The following HADHA variants were observed in gnomAD, a reference collection of about 807,000 sequenced individuals.
The protein encoded by HADHA is hydroxyacyl-CoA dehydrogenase trifunctional multienzyme complex subunit alpha.
A neutral mutation model predicts 91.3 loss-of-function variants in HADHA; 59 were observed. The ratio of observed to expected loss-of-function variants is 0.65; its 90% CI spans 0.52 to 0.80. The LOEUF is 0.80. HADHA is among the 30% of genes least tolerant of loss of function. HADHA has a pLI of 0.00. For synonymous variants in HADHA, 320 were observed against 338.9 expected, an observed-to-expected ratio of 0.94 and a Z score of 0.61; for missense variants, 800 against 927.6, an observed-to-expected ratio of 0.86 and a Z score of 1.79.
At chr2:26,199,498 G>A (rs1204723249) in intron 13 of HADHA, 1 of 152,236 alleles carries the variant, frequency 6.6e-6, no homozygotes, top group Non-Finnish European at 1.5e-5. Context: ...CCTTTCTGAA[G>A]AGCAAACTAA....
chr2:26,234,722 C>T (rs142983003), intron 4 of HADHA, among the ~76,000 whole-genome samples: 3,153 of 149,698 alleles, frequency 0.021, 115 homozygotes, highest in African/African-American at 0.073. Context: ...GCCGAGATCG[C>T]GCCACTGCAC....
chr2:26,206,936 G>T (rs1427685899), intron 11 of HADHA, among the ~76,000 whole-genome samples: 1 of 151,962 alleles, frequency 6.6e-6, no homozygotes, highest in Non-Finnish European at 1.5e-5. Context: ...GGTGGCACAT[G>T]CCTATAATCG....
intron 1 of HADHA, among the ~76,000 whole-genome samples, chr2:26,241,605 C>T (rs1670891759): frequency 6.6e-6 from 1 of 151,656 alleles, no homozygotes. Context: ...GAGCCAAGAG[C>T]GCACCATTGC....
chr2:26,209,984 GC>G (rs1670061515), intron 10 of HADHA, 95 bp from the exon 11 acceptor site: 1 of 784,334 alleles, frequency 1.3e-6, no homozygotes, highest in Non-Finnish European at 2.3e-6. Flanking sequence ...CAGAGGTAAT[GC>G]ATGTGAAGCC....
chr2:26,203,019 T>C (rs1423029110), intron 12 of HADHA, among the ~76,000 whole-genome samples: 1 of 152,204 alleles, frequency 6.6e-6, no homozygotes, highest in Non-Finnish European at 1.5e-5. Flanking sequence ...GGAAACTATT[T>C]TAGAGCAACA....
At chr2:26,197,569 G>A (rs2147755968) in intron 14 of HADHA, 122 bp downstream of exon 14, 3 of 723,940 alleles carry the variant, frequency 4.1e-6, no homozygotes, top group East Asian at 2.5e-5. Flanking sequence ...TGTGTCCAGT[G>A]TTTAGGAACC....
chr2:26,200,933 C>G (rs753385387), intron 13 of HADHA, among the ~76,000 whole-genome samples: 2 of 152,130 alleles, frequency 1.3e-5, no homozygotes, highest in Non-Finnish European at 2.9e-5. Context: ...GGGGTTTCAT[C>G]ATATCGGCCA....
intron 7 of HADHA, among the ~76,000 whole-genome samples, chr2:26,217,041 C>G (rs1334843517): frequency 6.6e-6 from 1 of 152,016 alleles, no homozygotes; most frequent in Non-Finnish European, 1.5e-5. Flanking sequence ...CTGTATGTTA[C>G]AGAAGGTAGA....
chr2:26,194,982 T>A, intron 15 of HADHA, 110 bp downstream of exon 15: 1 of 971,854 alleles, frequency 1.0e-6, no homozygotes, highest in Non-Finnish European at 1.7e-6. Context: ...GGGAAAATCA[T>A]ATCAAAGTCT....
At chr2:26,198,224 A>G (rs1669732252) in intron 13 of HADHA, among the ~76,000 whole-genome samples, 1 of 152,170 alleles carries the variant, frequency 6.6e-6, no homozygotes, top group African/African-American at 2.4e-5. Context: ...GTCTCATTTT[A>G]TACAGTGTGT....
chr2:26,220,277 G>A (rs1670344013), intron 7 of HADHA, among the ~76,000 whole-genome samples: 1 of 152,170 alleles, frequency 6.6e-6, no homozygotes, highest in African/African-American at 2.4e-5. Context: ...TGTACAATTG[G>A]AGCAGACATA....
chr2:26,244,182 G>T (rs1319334729), intron 1 of HADHA, among the ~76,000 whole-genome samples: 1 of 152,248 alleles, frequency 6.6e-6, no homozygotes, highest in African/African-American at 2.4e-5. Flanking sequence ...ACAAAGATGC[G>T]ACAGAATGGA....
intron 5 of HADHA, among the ~76,000 whole-genome samples, chr2:26,233,708 C>T (rs1341965255): frequency 6.6e-6 from 1 of 152,198 alleles, no homozygotes; most frequent in Admixed American, 6.5e-5. Context: ...AAACATCACA[C>T]CTTCATTTAC....
intron 10 of HADHA, chr2:26,212,311 T>C (rs1031781293): frequency 6.4e-6 from 3 of 466,574 alleles, no homozygotes; most frequent in African/African-American, 5.9e-5. Flanking sequence ...GGTCTTGAAC[T>C]CCTGAGCTCA....
Position 26,214,447 on chromosome 2 carries a change from A to T in HADHA, c.914T>A (p.Ile305Asn), listed in dbSNP as rs137852774. Residue 305 changes from isoleucine (I) to asparagine (N), a missense_variant, in exon 9 of 20, where the codon ATT becomes AAT. Physicochemically the swap from Ile to Asn is moderately radical, Grantham distance 149 (BLOSUM62 -3). Transcript: ENST00000380649. This position sits in a 1 kb window ranked among gnomAD's most constrained non-coding sequence, Gnocchi z 4.1. ...KGLYPAPLKI[I>N]DVVKTGIEQG... Reference sequence around the variant, plus strand: ...GGAATATTGGGTAAGACTCACATCAATTATTTTCAGAGGTGCAGGATAAAG... The same window carrying T: ...GGAATATTGGGTAAGACTCACATCATTTATTTTCAGAGGTGCAGGATAAAG... 34 of 1,448,170 alleles carry T rather than the reference A, an allele frequency of 2.3e-5. No individual in the cohort carries two copies. Among genetic ancestry groups the T allele is most frequent in the Non-Finnish European group, 3.2e-5 (33 of 1,030,348 alleles). The allele number at this position is 1,448,170 out of a possible 1,614,324, so 89.7% of individuals were successfully genotyped here.
intron 1 of HADHA, among the ~76,000 whole-genome samples, chr2:26,242,005 G>A (rs536564818): frequency 7.2e-5 from 11 of 151,794 alleles, no homozygotes; most frequent in African/African-American, 1.2e-4. Context: ...GGGTTCAAGC[G>A]ATTCTCCCAC....
intron 7 of HADHA, among the ~76,000 whole-genome samples, chr2:26,222,944 G>T (rs1299250709): frequency 6.6e-6 from 1 of 152,266 alleles, no homozygotes; most frequent in South Asian, 2.1e-4. Flanking sequence ...CCAGTATAGG[G>T]TGCTACTTTT....
At chr2:26,199,465 G>A (rs1669773924) in intron 13 of HADHA, 1 of 152,252 alleles carries the variant, frequency 6.6e-6, no homozygotes, top group African/African-American at 2.4e-5. Context: ...TAGTAATATA[G>A]TGTCTAATGC....
At chr2:26,206,012 C>A (rs1669961867) in intron 11 of HADHA, among the ~76,000 whole-genome samples, 1 of 151,996 alleles carries the variant, frequency 6.6e-6, no homozygotes, top group African/African-American at 2.4e-5. Flanking sequence ...TAAAGATGCT[C>A]AATTTCAGCC....
Sources: allele counts gnomAD v4.1 joint callset (sites outside exome capture counted in the v4.1 genomes callset), GRCh38; gene constraint gnomAD v4.1.1; non-coding constraint Gnocchi (gnomAD v3.1); transcripts MANE v1.5; gene names NCBI Gene and HGNC (gene_info 2026-07-23, HGNC 2026-07-21).